Variants in RFX7 observed in about 807,000 individuals in gnomAD.
RFX7 encodes the protein DNA-binding protein RFX7.
A neutral mutation model predicts 111.8 loss-of-function variants in RFX7; 26 were observed. The observed-to-expected ratio is 0.23, with a 90% CI of 0.17 to 0.32. RFX7 has a LOEUF of 0.32. Ranked by LOEUF, RFX7 falls within the 10% of genes least tolerant of loss-of-function variation. The pLI, the probability that RFX7 is intolerant of heterozygous loss-of-function variation, is 1.00. For missense variants in RFX7, 1,573 were observed against 1,772.9 expected (o/e 0.89, Z 2.02); for synonymous variants, 624 against 624.4 (o/e 1.00, Z 0.01).
intron 3 of RFX7, among the ~76,000 whole-genome samples, chr15:56,167,215 GA>G (rs1403122850): frequency 1.3e-5 from 2 of 152,128 alleles, no homozygotes; most frequent in Non-Finnish European, 2.9e-5. Context: ...GGCTGAGGCA[GA>G]AGGATCACTT....
At position 56,095,518 on chromosome 15, in the gene RFX7, A is replaced by G. The variant is rs753997123; in HGVS notation, c.2210T>C (p.Leu737Pro). Residue 737 changes from leucine to proline, a missense_variant, in exon 10 of 10, where the codon CTT becomes CCT. This residue lies in a region of RFX7 where 625 missense variants were observed against 632.2 expected (regional missense o/e 0.99). Coordinates refer to ENST00000559447, the MANE Select transcript of RFX7 (RefSeq NM_022841.7). The stretch of plus-strand genomic sequence containing the variant: ...TTCCAAAGCTGAATCACTGATAACA[A>G]GGGCAGAGGAATTCAAGGGTTGATT... ...GANQPLNSSA[L>P]VISDSALEQQ... The G allele has an allele frequency of 6.2e-7, 1 of 1,613,398 alleles. No individual in the cohort carries two copies.
chr15:56,127,075 T>A (rs1238337156), intron 5 of RFX7, among the ~76,000 whole-genome samples: 1 of 152,024 alleles, frequency 6.6e-6, no homozygotes, highest in South Asian at 2.1e-4. Context: ...CAAGTGCATA[T>A]GGAATATTCT....
At chr15:56,179,481 A>G (rs1186671116) in intron 2 of RFX7, among the ~76,000 whole-genome samples, 178 bp from the exon 3 acceptor site, 1 of 152,124 alleles carries the variant, frequency 6.6e-6, no homozygotes, top group African/African-American at 2.4e-5. Flanking sequence ...ACAAAAATCT[A>G]TTTCCCATTT....
At position 56,094,283 on chromosome 15, in the gene RFX7, G is replaced by C; in HGVS notation, c.3445C>G (p.Leu1149Val). The C allele has an allele frequency of 6.2e-7, 1 of 1,613,980 alleles. No homozygotes were observed. The highest frequency in any genetic ancestry group is 1.7e-5 in the Admixed American group (1 of 60,022). The change falls in exon 10 of 10, where the codon CTT becomes GTT. Residue 1149 changes from leucine (L) to valine (V), a missense_variant. Leu to Val is a conservative substitution (Grantham distance 32, BLOSUM62 1). Coordinates refer to ENST00000559447, the MANE Select transcript of RFX7 (RefSeq NM_022841.7). The part of the protein sequence containing the change: ...KQEGFAVPAP[L>V]DNKGTNSSAS... ...GATGAATTAGTTCCTTTATTATCAA[G>C]AGGGGCAGGGACTGCAAAACCCTCC...
intron 3 of RFX7, among the ~76,000 whole-genome samples, chr15:56,171,463 T>C (rs918993058): frequency 9.2e-5 from 14 of 151,978 alleles, no homozygotes; most frequent in African/African-American, 2.7e-4. Context: ...GTCAGAATGA[T>C]GCAATGTAAA....
chr15:56,228,681 G>T (rs957207827), intron 2 of RFX7, among the ~76,000 whole-genome samples: 4 of 152,134 alleles, frequency 2.6e-5, no homozygotes, highest in Non-Finnish European at 4.4e-5. Context: ...AAATGAGGCT[G>T]TAGGATTATA....
intron 3 of RFX7, among the ~76,000 whole-genome samples, chr15:56,161,862 C>T (rs1405766683): frequency 6.6e-6 from 1 of 152,012 alleles, no homozygotes; most frequent in African/African-American, 2.4e-5. Context: ...ATATTTCAGT[C>T]CCCTTGAAAT....
intron 5 of RFX7, among the ~76,000 whole-genome samples, chr15:56,127,825 C>T (rs550672042): frequency 3.3e-5 from 5 of 151,182 alleles, no homozygotes; most frequent in African/African-American, 9.7e-5. Flanking sequence ...GGATTACAGG[C>T]GTGAGCCACT....
In RFX7 at chr15:56,094,510, C is replaced by T; in HGVS notation, c.3218G>A (p.Gly1073Asp). 2 of 1,613,932 alleles carry T rather than the reference C, an allele frequency of 1.2e-6. No homozygotes were observed. The highest frequency in any genetic ancestry group is 8.5e-7 in the Non-Finnish European group (1 of 1,179,866). Residue 1073 changes from glycine (G) to aspartate (D), a missense_variant, in exon 10 of 10, where the codon GGT (glycine) becomes GAT (aspartate). By Grantham distance (94) the Gly-to-Asp change is moderately conservative. Transcript: ENST00000559447. ...ACCATGGCCAGAAACTGATGAATTACCAACCCCACTATACCCATTATTCAT... is the reference window on the plus strand; with the variant it reads ...ACCATGGCCAGAAACTGATGAATTATCAACCCCACTATACCCATTATTCAT... ...EWMNNGYSGV[G>D]NSSVSGHGIL...
intron 2 of RFX7, among the ~76,000 whole-genome samples, chr15:56,230,790 C>A (rs11630394): frequency 0.13 from 19,820 of 152,196 alleles, 1,689 homozygotes; most frequent in East Asian, 0.44. Context: ...ATGGCTTCAA[C>A]AATGATTAAG....
At chr15:56,201,804 G>A (rs994046875) in intron 2 of RFX7, among the ~76,000 whole-genome samples, 4 of 152,172 alleles carry the variant, frequency 2.6e-5, no homozygotes, top group Non-Finnish European at 5.9e-5. Context: ...GCCGAGATGG[G>A]CAGATCACGA....
intron 1 of RFX7, 32 bp from the exon 2 acceptor site, chr15:56,243,319 A>C: frequency 3.2e-6 from 2 of 621,550 alleles, no homozygotes; most frequent in Non-Finnish European, 4.3e-6. Context: ...GGAGGGAAAG[A>C]TGGGGGCGCG....
chr15:56,231,707 A>AC (rs1384421864), intron 2 of RFX7, among the ~76,000 whole-genome samples: 1 of 152,176 alleles, frequency 6.6e-6, no homozygotes, highest in Non-Finnish European at 1.5e-5. Context: ...GTCTTAACTC[A>AC]TTTTGGCATT....
At chr15:56,147,957 T>G (rs1001562158) in intron 3 of RFX7, among the ~76,000 whole-genome samples, 1 of 152,186 alleles carries the variant, frequency 6.6e-6, no homozygotes, top group African/African-American at 2.4e-5. Flanking sequence ...ACAAACAACA[T>G]TTGTAGACTT....
At chr15:56,204,764 G>C (rs1259319678) in intron 2 of RFX7, among the ~76,000 whole-genome samples, 1 of 152,108 alleles carries the variant, frequency 6.6e-6, no homozygotes, top group Non-Finnish European at 1.5e-5. Flanking sequence ...TCTTATTTTA[G>C]TCTTATGCTC....
In RFX7 at chr15:56,094,389, A is replaced by C; in HGVS notation, c.3339T>G (p.His1113Gln). 1 of 1,613,998 alleles carries C rather than the reference A, an allele frequency of 6.2e-7. No homozygotes were observed. Among genetic ancestry groups the C allele is most frequent in the Non-Finnish European group, 8.5e-7 (1 of 1,179,876 alleles). The part of the protein sequence containing the change: ...PGQSYQSQSR[H>Q]HDTHFGRLTP... ...TCAAACGACCAAAATGAGTGTCATG[A>C]TGTCTGGATTGAGACTGATAAGACT... is the stretch of plus-strand genomic sequence containing the variant. Residue 1113 changes from histidine to glutamine, a missense_variant, in exon 10 of 10, where the codon CAT becomes CAG. This residue lies in a region of RFX7 where 411 missense variants were observed against 478.1 expected (regional missense o/e 0.86). Coordinates refer to ENST00000559447, the MANE Select transcript of RFX7 (RefSeq NM_022841.7).
chr15:56,131,780 G>C (rs903438158), intron 5 of RFX7, among the ~76,000 whole-genome samples: 6 of 152,128 alleles, frequency 3.9e-5, no homozygotes, highest in Non-Finnish European at 5.9e-5. Flanking sequence ...TGTAAAATTG[G>C]AAGGAAAGTC....
chr15:56,184,831 C>T (rs2043020698), intron 2 of RFX7, among the ~76,000 whole-genome samples: 1 of 152,084 alleles, frequency 6.6e-6, no homozygotes, highest in African/African-American at 2.4e-5. Flanking sequence ...ATCTGTTTGT[C>T]CAACATCCCC....
chr15:56,103,940 C>G, intron 5 of RFX7, among the ~76,000 whole-genome samples: 1 of 152,172 alleles, frequency 6.6e-6, no homozygotes, highest in East Asian at 1.9e-4. Flanking sequence ...TTTCGAATTA[C>G]AATCCCAACC....
Sources: allele counts gnomAD v4.1 joint callset (sites outside exome capture counted in the v4.1 genomes callset), GRCh38; gene constraint gnomAD v4.1.1; regional missense constraint gnomAD v4.1.1; transcripts MANE v1.5; gene names NCBI Gene and HGNC (gene_info 2026-07-23, HGNC 2026-07-21).